NRXN3: variants seen among roughly 807,000 people sequenced by gnomAD.
NRXN3 encodes neurexin III.
In NRXN3, 32 loss-of-function variants were observed where a neutral mutation model predicts 137.6. The ratio of observed to expected loss-of-function variants is 0.23; its 90% confidence interval spans 0.18 to 0.31. The LOEUF is 0.31. Ranked by LOEUF, NRXN3 falls within the 10% of genes least tolerant of loss-of-function variation. The pLI, the probability that NRXN3 is intolerant of heterozygous loss-of-function variation, is 1.00. For synonymous variants in NRXN3, 798 were observed against 784.5 expected, an observed-to-expected ratio of 1.02 and a Z score of -0.29; for missense variants, 1,574 against 2,062.5, an observed-to-expected ratio of 0.76 and a Z score of 4.59.
chr14:79,686,128 C>T lies in NRXN3; in HGVS notation c.3617-6045C>T, dbSNP rs549056000. ...CCAACACAGTGAAACCCCATCTCTCCTAAAAATTAGCTGGGCATGATGGTG... is the reference window on the plus strand; with the variant it reads ...CCAACACAGTGAAACCCCATCTCTCTTAAAAATTAGCTGGGCATGATGGTG... On this transcript the variant is annotated intron_variant, in intron 17 of 20. Coordinates refer to ENST00000335750, the MANE Select transcript of NRXN3 (RefSeq NM_001330195.2). Among the ~76,000 whole-genome samples, 5 of 152,106 alleles carry T rather than the reference C, an allele frequency of 3.3e-5. No individual in the cohort carries two copies. In the South Asian group the frequency reaches 1.0e-3, roughly 32 times the overall value.
intron 10 of NRXN3, among the ~76,000 whole-genome samples, chr14:78,939,456 A>G (rs2099348832): frequency 1.3e-5 from 2 of 152,188 alleles, no homozygotes; most frequent in Admixed American, 6.5e-5. Context: ...TCTCTGCCAT[A>G]TTAGTCTTCC....
chr14:79,058,506 T>C (rs1352708461), intron 15 of NRXN3, among the ~76,000 whole-genome samples: 1 of 152,092 alleles, frequency 6.6e-6, no homozygotes, highest in Non-Finnish European at 1.5e-5. Context: ...ATATTTTTAA[T>C]ATTAGAATGA....
chr14:79,173,225 A>G (rs142903959), intron 15 of NRXN3, among the ~76,000 whole-genome samples: 72 of 152,294 alleles, frequency 4.7e-4, no homozygotes, highest in African/African-American at 1.7e-3. Context: ...AGGTCAACAT[A>G]TAAAAAGTTT....
chr14:79,352,584 A>G (rs935811785), intron 15 of NRXN3, among the ~76,000 whole-genome samples: 7 of 152,144 alleles, frequency 4.6e-5, no homozygotes, highest in Admixed American at 2.6e-4. Context: ...TTGGTTATAC[A>G]ATGGCCAAAG....
At position 78,331,491 on chromosome 14, in the gene NRXN3, A is replaced by G. The variant is rs529983020; in HGVS notation, c.757+33631A>G. ...CAAACATGCAAAGCATCATGGGGGCAGAGAACGTGGCCGCATGAGGTAGCT... is the reference window on the plus strand; with the variant it reads ...CAAACATGCAAAGCATCATGGGGGCGGAGAACGTGGCCGCATGAGGTAGCT... On this transcript the variant is annotated intron_variant, in intron 4 of 20. Coordinates refer to ENST00000335750, the MANE Select transcript of NRXN3 (RefSeq NM_001330195.2). 1.0e-3 allele frequency among the ~76,000 whole-genome samples: 156 copies of G among 152,376 alleles called. 1 individual carries two copies. The highest frequency in any genetic ancestry group is 2.1e-3 in the East Asian group (11 of 5,182).
At chr14:78,853,330 T>C (rs989784793) in intron 10 of NRXN3, among the ~76,000 whole-genome samples, 1 of 152,164 alleles carries the variant, frequency 6.6e-6, no homozygotes, top group African/African-American at 2.4e-5. Flanking sequence ...TGGTTTTTTG[T>C]CCTTGTGATA....
At chr14:79,836,277 CT>C (rs2099343077) in intron 20 of NRXN3, among the ~76,000 whole-genome samples, 1 of 152,122 alleles carries the variant, frequency 6.6e-6, no homozygotes, top group African/African-American at 2.4e-5. Flanking sequence ...GCCCACTCTG[CT>C]TTTCTAGTTA....
intron 15 of NRXN3, among the ~76,000 whole-genome samples, chr14:79,213,531 G>A (rs1351651781): frequency 6.6e-6 from 1 of 151,564 alleles, no homozygotes; most frequent in African/African-American, 2.4e-5. Flanking sequence ...AAGAACTTAG[G>A]AGGTTCTTAA....
chr14:79,153,114 T>G (rs1165730513), intron 15 of NRXN3, among the ~76,000 whole-genome samples: 1 of 151,920 alleles, frequency 6.6e-6, no homozygotes, highest in Non-Finnish European at 1.5e-5. Flanking sequence ...AGAATGAGCT[T>G]CCAAGGCAGT....
chr14:79,008,803 C>T (rs796517417), intron 15 of NRXN3, among the ~76,000 whole-genome samples: 43 of 151,978 alleles, frequency 2.8e-4, no homozygotes, highest in African/African-American at 9.6e-4. Context: ...GGATTATAGG[C>T]GCCCACCACC....
chr14:79,303,284 T>C (rs759710357), intron 15 of NRXN3, among the ~76,000 whole-genome samples: 17 of 152,072 alleles, frequency 1.1e-4, no homozygotes, highest in Non-Finnish European at 2.1e-4. Context: ...TACCAGCTAC[T>C]TGATCTAATA....
At chr14:79,670,409 A>C (rs2098600605) in intron 17 of NRXN3, among the ~76,000 whole-genome samples, 1 of 152,042 alleles carries the variant, frequency 6.6e-6, no homozygotes, top group African/African-American at 2.4e-5. Flanking sequence ...TGGCCCTGTC[A>C]CTTGCCAGCT....
intron 16 of NRXN3, among the ~76,000 whole-genome samples, chr14:79,507,419 C>G (rs977185064): frequency 2.0e-5 from 3 of 152,156 alleles, no homozygotes; most frequent in Non-Finnish European, 2.9e-5. Flanking sequence ...TAAAAGGTAG[C>G]AAACATACAA....
chr14:79,198,413 G>C (rs983017116), intron 15 of NRXN3, among the ~76,000 whole-genome samples: 1 of 152,104 alleles, frequency 6.6e-6, no homozygotes, highest in Non-Finnish European at 1.5e-5. Flanking sequence ...GATATTCTGT[G>C]TATTAAAAAC....
chr14:78,375,486 C>T (rs1410564889), intron 4 of NRXN3, among the ~76,000 whole-genome samples: 1 of 152,132 alleles, frequency 6.6e-6, no homozygotes, highest in African/African-American at 2.4e-5. Flanking sequence ...CTGATTAAGA[C>T]ATTTCAGGAC....
intron 6 of NRXN3, among the ~76,000 whole-genome samples, chr14:78,656,244 G>C (rs1320226096): frequency 6.6e-6 from 1 of 152,176 alleles, no homozygotes; most frequent in Non-Finnish European, 1.5e-5. Context: ...GCAATAAATA[G>C]CAGTTAATGC....
intron 19 of NRXN3, among the ~76,000 whole-genome samples, chr14:79,773,207 G>C (rs2099084930): frequency 6.6e-6 from 1 of 152,168 alleles, no homozygotes; most frequent in Admixed American, 6.5e-5. Flanking sequence ...AACCATTGTG[G>C]AAGTCAGTGT....
intron 1 of NRXN3, among the ~76,000 whole-genome samples, chr14:78,220,068 T>G (rs994628957): frequency 6.6e-6 from 1 of 152,048 alleles, no homozygotes; most frequent in African/African-American, 2.4e-5. Context: ...GAGCGTGGGA[T>G]AATGCCCAGG....
chr14:78,540,327 C>G (rs751250292), intron 4 of NRXN3, among the ~76,000 whole-genome samples: 4 of 151,782 alleles, frequency 2.6e-5, no homozygotes, highest in African/African-American at 9.7e-5. Context: ...ATAGTTAGCT[C>G]TTCTTGTTGA....
Sources: gnomAD v4.1 joint callset for allele counts (sites outside exome capture counted in the v4.1 genomes callset) on GRCh38, gnomAD v4.1.1 for gene constraint, MANE v1.5 for transcripts, NCBI Gene and HGNC (gene_info 2026-07-23, HGNC 2026-07-21) for gene names.